The following FKBP10 variants were observed in gnomAD, a reference collection of about 807,000 sequenced individuals.
FKBP10 encodes the protein FKBP prolyl isomerase 10, also known as peptidyl-prolyl cis-trans isomerase FKBP10.
A neutral mutation model predicts 53.7 loss-of-function variants in FKBP10; 34 were observed. The ratio of observed to expected loss-of-function variants is 0.63; its 90% CI spans 0.48 to 0.84. The LOEUF is 0.84. Ranked by LOEUF, FKBP10 falls within the 40% of genes least tolerant of loss-of-function variation. The pLI is 0.00. For missense variants in FKBP10, 748 were observed against 797.8 expected (o/e 0.94, Z 0.75); for synonymous variants, 324 against 335.7 (o/e 0.97, Z 0.38).
chr17:41,822,654 G>A lies in FKBP10; in HGVS notation c.*246G>A, dbSNP rs2047907584. On this transcript the variant is annotated 3_prime_UTR_variant, in exon 10 of 10. Coordinates refer to ENST00000321562, the MANE Select transcript of FKBP10 (RefSeq NM_021939.4). ...TCCTTAAAATGTTTGGATTTGCAAAGCCAATTTGGGGCCTGTGGAGCCTGG... is the reference window on the plus strand; with the variant it reads ...TCCTTAAAATGTTTGGATTTGCAAAACCAATTTGGGGCCTGTGGAGCCTGG... 3.6e-6 allele frequency: 2 copies of A among 563,362 alleles called. No individual in the cohort carries two copies. Among genetic ancestry groups the A allele is most frequent in the African/African-American group, 1.9e-5 (1 of 53,248 alleles). 34.9% of individuals were successfully genotyped at this position (563,362 alleles called of 1,614,324 possible).
At chr17:41,822,164 CT>C in intron 9 of FKBP10, 58 bp from the exon 10 acceptor site, 1 of 1,548,532 alleles carries the variant, frequency 6.5e-7, no homozygotes, top group Non-Finnish European at 8.8e-7. Context: ...CCCGGGGCCC[CT>C]GCCCCTCCCA....
intron 2 of FKBP10, 24 bp from the exon 3 acceptor site, chr17:41,818,065 C>T (rs1555616322): frequency 6.4e-7 from 1 of 1,573,454 alleles, no homozygotes; most frequent in South Asian, 1.2e-5. Flanking sequence ...ACTCTGAGAC[C>T]TCCACGCTGC....
chr17:41,816,109 C>G (rs1408448046), intron 1 of FKBP10, among the ~76,000 whole-genome samples: 1 of 151,294 alleles, frequency 6.6e-6, no homozygotes, highest in Non-Finnish European at 1.5e-5. Flanking sequence ...GCACTCCAGC[C>G]TGGGTGACAG....
Position 41,818,448 on chromosome 17 carries a change from G to C in FKBP10, c.648G>C (p.Gln216His), listed in dbSNP as rs1385954096. ...GSGWLIKGMD[Q>H]GLLGMCPGER... ...GTTGGCTGATCAAGGGCATGGACCA[G>C]GGGCTGCTGGGCATGTGTCCTGGAG... The change falls in exon 4 of 10, where the codon CAG (glutamine) becomes CAC (histidine). Residue 216 changes from glutamine (Q) to histidine (H), a missense_variant. Physicochemically the swap from Gln to His is conservative, Grantham distance 24. Transcript: ENST00000321562. 14 of 1,614,094 alleles carry C rather than the reference G, an allele frequency of 8.7e-6. No individual in the cohort carries two copies. The highest frequency in any genetic ancestry group is 1.7e-5 in the Admixed American group (1 of 60,006).
intron 1 of FKBP10, 106 bp from the exon 2 acceptor site, chr17:41,816,952 G>T: frequency 7.0e-7 from 1 of 1,422,670 alleles, no homozygotes; most frequent in East Asian, 2.3e-5. Flanking sequence ...GCTATAGGGA[G>T]GGGGGATTGT....
At position 41,821,748 on chromosome 17, in the gene FKBP10, C is replaced by G. The variant is rs1258952049; in HGVS notation, c.1494C>G (p.His498Gln). 6.2e-7 allele frequency: 1 copy of G among 1,614,052 alleles called. No individual in the cohort carries two copies. Among genetic ancestry groups the G allele is most frequent in the Non-Finnish European group, 8.5e-7 (1 of 1,180,028 alleles). Reference sequence around the variant, plus strand: ...CCACAGGCTACCTGTTTGTGTGGCACAAGGACCCTCCTGCCAACCTGTTTG... The same window carrying G: ...CCACAGGCTACCTGTTTGTGTGGCAGAAGGACCCTCCTGCCAACCTGTTTG... ...GLPTGYLFVW[H>Q]KDPPANLFED... Residue 498 changes from histidine to glutamine, a missense_variant, in exon 9 of 10, where the codon CAC becomes CAG. Physicochemically the swap from His to Gln is conservative, Grantham distance 24 (BLOSUM62 0). Transcript: ENST00000321562.
At position 41,818,513 on chromosome 17, in the gene FKBP10, G is replaced by A; in HGVS notation, c.713G>A (p.Gly238Asp). 1.2e-6 allele frequency: 2 copies of A among 1,614,140 alleles called. No homozygotes were observed. The highest frequency in any genetic ancestry group is 8.5e-7 in the Non-Finnish European group (1 of 1,180,034). ...ATCATCCCTCCATTCCTGGCCTATG[G>A]CGAGAAAGGCTATGGTGAGGGTGGG... ...KIIIPPFLAY[G>D]EKGYGTVIPP... Residue 238 changes from glycine (G) to aspartate (D), a missense_variant, in exon 4 of 10, where the codon GGC (glycine) becomes GAC (aspartate). Coordinates refer to ENST00000321562, the MANE Select transcript of FKBP10 (RefSeq NM_021939.4).
At position 41,821,889 on chromosome 17, in the gene FKBP10, C is replaced by T. The variant is rs1400812103; in HGVS notation, c.1563+72C>T. 1.0e-5 allele frequency: 16 copies of T among 1,590,606 alleles called. No individual in the cohort carries two copies. In the African/African-American group the frequency reaches 1.1e-4, roughly 11 times the overall value. ...ACCCAGGAAGCATCGAGGAAGAAGA[C>T]GTCCCCCGTCCGGACTGCCCACCCG... On this transcript the variant is annotated intron_variant, in intron 9 of 9. Transcript: ENST00000321562.
In FKBP10 at chr17:41,822,262, G is replaced by A. The variant is rs1555617314; in HGVS notation, c.1603G>A (p.Gly535Arg). The A allele has an allele frequency of 6.2e-7, 1 of 1,613,848 alleles. No homozygotes were observed. The highest frequency in any genetic ancestry group is 2.2e-5 in the East Asian group (1 of 44,882). Reference protein sequence around the residue: ...FIKAQVSEGKGRLMPGQDPEK... With the variant: ...FIKAQVSEGKRRLMPGQDPEK... ...CAAGGCTCAAGTGAGTGAGGGCAAA[G>A]GACGCCTCATGCCTGGGCAGGACCC... Residue 535 changes from glycine (G) to arginine (R), a missense_variant, in exon 10 of 10, where the codon GGA becomes AGA. Physicochemically the swap from Gly to Arg is moderately radical, Grantham distance 125. Transcript: ENST00000321562.
In FKBP10 at chr17:41,813,214, G is replaced by C; in HGVS notation, c.180G>C (p.Gln60His). 1 of 1,613,684 alleles carries C rather than the reference G, an allele frequency of 6.2e-7. No individual in the cohort carries two copies. Among genetic ancestry groups the C allele is most frequent in the Non-Finnish European group, 8.5e-7 (1 of 1,180,006 alleles). ...CCAGGGCCTGTCCCCGGGAAGTGCA[G>C]ATGGGGGATTTTGTGCGCTACCACT... is the stretch of plus-strand genomic sequence containing the variant. ...HIPRACPREV[Q>H]MGDFVRYHYN... Residue 60 changes from glutamine (Q) to histidine (H), a missense_variant, in exon 1 of 10, where the codon CAG becomes CAC. Coordinates refer to ENST00000321562, the MANE Select transcript of FKBP10 (RefSeq NM_021939.4).
chr17:41,822,351 C>A lies in FKBP10; in HGVS notation c.1692C>A (p.Val564=). ...GCAACCAGGACGGCAAGATCACAGT[C>A]GACGAGCTCAAGCTGAAGTCAGATG... The part of the protein sequence containing the change: ...QDRNQDGKIT[V]DELKLKSDED... Residue 564 remains valine (V), a synonymous_variant, in exon 10 of 10, where the codon GTC becomes GTA. Transcript: ENST00000321562. 2 of 1,613,208 alleles carry A rather than the reference C, an allele frequency of 1.2e-6. No homozygotes were observed. Among genetic ancestry groups the A allele is most frequent in the South Asian group, 1.1e-5 (1 of 90,832 alleles).
chr17:41,821,327 TG>T (rs1481726613), intron 8 of FKBP10, among the ~76,000 whole-genome samples: 1 of 152,048 alleles, frequency 6.6e-6, no homozygotes, highest in African/African-American at 2.4e-5. Flanking sequence ...TTTGCCATGT[TG>T]GTCAGGCTGG....
Position 41,819,583 on chromosome 17 carries a change from C to G in FKBP10, c.971C>G (p.Pro324Arg), listed in dbSNP as rs781960934. 104 of 1,613,934 alleles carry G rather than the reference C, an allele frequency of 6.4e-5. No individual in the cohort carries two copies. The highest frequency in any genetic ancestry group is 8.7e-5 in the Non-Finnish European group (103 of 1,179,996). The change falls in exon 6 of 10, where the codon CCC becomes CGC. Residue 324 changes from proline to arginine, a missense_variant. Pro to Arg is a moderately radical substitution (Grantham distance 103, BLOSUM62 -2). Transcript: ENST00000321562. ...NTYIGQGYII[P>R]GMDQGLQGAC... The stretch of plus-strand genomic sequence containing the variant: ...TATATCGGGCAGGGTTACATCATCC[C>G]CGGGATGGACCAGGGGCTGCAGGGT...
Position 41,820,329 on chromosome 17 carries a change from A to G in FKBP10, c.1124A>G (p.Asn375Ser). The change falls in exon 7 of 10, where the codon AAC becomes AGC. Residue 375 changes from asparagine (N) to serine (S), a missense_variant. Coordinates refer to ENST00000321562, the MANE Select transcript of FKBP10 (RefSeq NM_021939.4). ...IFNVHVIDFH[N>S]PADVVEIRTL... ...AACGTCCATGTCATTGACTTCCACAACCCTGCGGATGTGGTGGAAATCAGG... is the reference window on the plus strand; with the variant it reads ...AACGTCCATGTCATTGACTTCCACAGCCCTGCGGATGTGGTGGAAATCAGG... The G allele has an allele frequency of 6.2e-7, 1 of 1,614,026 alleles. No individual in the cohort carries two copies.
rs2047824368 is a variant in FKBP10, at chr17:41,817,031, G to C, written c.246-27G>C. 3 of 1,613,702 alleles carry C rather than the reference G, an allele frequency of 1.9e-6. No individual in the cohort carries two copies. In the East Asian group the frequency reaches 6.7e-5, roughly 36 times the overall value. On this transcript the variant is annotated intron_variant, in intron 1 of 9. Coordinates refer to ENST00000321562, the MANE Select transcript of FKBP10 (RefSeq NM_021939.4). ...CAGTGTGTGTGTGTCTGAGGTCACT[G>C]TATCCCATCTGTCCCTCCCCCCCCA...
Position 41,819,432 on chromosome 17 carries a change from C to T in FKBP10, c.917+33C>T, listed in dbSNP as rs1328907097. On this transcript the variant is annotated intron_variant, in intron 5 of 9. Coordinates refer to ENST00000321562, the MANE Select transcript of FKBP10 (RefSeq NM_021939.4). ...GGGTCTTGAGGTGGGAGGGCGGGGG[C>T]TGGGTGAAACGTGGACGAAGCTGGG... is the stretch of plus-strand genomic sequence containing the variant. 4 of 1,580,870 alleles carry T rather than the reference C, an allele frequency of 2.5e-6. No individual in the cohort carries two copies. The East Asian group carries it at 9.0e-5, about 35-fold the overall frequency.
At chr17:41,817,279 T>G (rs1188605957) in intron 2 of FKBP10, 76 bp downstream of exon 2, 1 of 1,579,250 alleles carries the variant, frequency 6.3e-7, no homozygotes, top group Non-Finnish European at 8.6e-7. Flanking sequence ...GTGAGAAAAC[T>G]GAAGTGCGGA....
In FKBP10 at chr17:41,817,160, C is replaced by A; in HGVS notation, c.348C>A (p.Arg116=). The change falls in exon 2 of 10, where the codon CGC becomes CGA. Residue 116 remains arginine, a synonymous_variant. Coordinates refer to ENST00000321562, the MANE Select transcript of FKBP10 (RefSeq NM_021939.4). ...GCATGTGTGTCAACGAGCGGCGACG[C>A]CTCATTGTGCCTCCCCACCTGGGCT... is the stretch of plus-strand genomic sequence containing the variant. ...LMGMCVNERR[R]LIVPPHLGYG... 1 of 1,614,012 alleles carries A rather than the reference C, an allele frequency of 6.2e-7. No individual in the cohort carries two copies. Among genetic ancestry groups the A allele is most frequent in the South Asian group, 1.1e-5 (1 of 91,088 alleles).
In FKBP10 at chr17:41,819,209, G is replaced by C. The variant is rs373404630; in HGVS notation, c.728-1G>C. On this transcript the variant is annotated splice_acceptor_variant, in intron 4 of 9. Transcript: ENST00000321562. LOFTEE classifies it high-confidence loss of function. ...TGGTTCAAGCCCTATCCCTTCCCCA[G>C]GGACAGTGATCCCCCCACAGGCCTC... is the stretch of plus-strand genomic sequence containing the variant. 2 of 1,614,016 alleles carry C rather than the reference G, an allele frequency of 1.2e-6. No individual in the cohort carries two copies. The highest frequency in any genetic ancestry group is 1.7e-6 in the Non-Finnish European group (2 of 1,180,022).
Sources: allele counts gnomAD v4.1 joint callset (sites outside exome capture counted in the v4.1 genomes callset), GRCh38; gene constraint gnomAD v4.1.1; transcripts MANE v1.5; gene names NCBI Gene and HGNC (gene_info 2026-07-23, HGNC 2026-07-21).